ZNF143: variants seen among roughly 807,000 people sequenced by gnomAD.
ZNF143 encodes SPH-binding factor.
In ZNF143, 49 loss-of-function variants were observed where a neutral mutation model predicts 74.1. The observed-to-expected ratio is 0.66, with a 90% CI of 0.53 to 0.84. The LOEUF (loss-of-function observed/expected upper bound fraction) is 0.84, where lower values mean the gene tolerates loss of function less well. ZNF143 is among the 40% of genes least tolerant of loss of function. The pLI is 0.00. For missense variants in ZNF143, 637 were observed against 793.4 expected, an observed-to-expected ratio of 0.80 and a Z score of 2.37; for synonymous variants, 304 against 282.8, an observed-to-expected ratio of 1.07 and a Z score of -0.75.
Position 9,492,172 on chromosome 11 carries a change from G to A in ZNF143, c.646-2474G>A, listed in dbSNP as rs563915800. ...GTTTCCCAGGCTGGAGTGCAGTGGC[G>A]TGATCTTGGCTCACTGCTTCTTCTG... On this transcript the variant is annotated intron_variant, in intron 7 of 15. Transcript: ENST00000396602. Among the ~76,000 whole-genome samples, 33 of 148,284 alleles carry A rather than the reference G, an allele frequency of 2.2e-4. No homozygotes were observed. In the South Asian group the frequency reaches 3.8e-3, roughly 17 times the overall value.
At chr11:9,509,434 A>G (rs1272099916) in intron 12 of ZNF143, among the ~76,000 whole-genome samples, 2 of 152,172 alleles carry the variant, frequency 1.3e-5, no homozygotes, top group Non-Finnish European at 2.9e-5. Context: ...GTTTCAGTAA[A>G]CCCTTGGAAA....
At chr11:9,486,947 C>T (rs1263822502) in intron 7 of ZNF143, among the ~76,000 whole-genome samples, 24 of 147,622 alleles carry the variant, frequency 1.6e-4, no homozygotes, top group Middle Eastern at 3.6e-3. Context: ...GGATTACAGG[C>T]GTGAGCCACT....
intron 7 of ZNF143, among the ~76,000 whole-genome samples, chr11:9,489,987 C>G (rs1327227822): frequency 6.6e-6 from 1 of 151,854 alleles, no homozygotes; most frequent in Admixed American, 6.6e-5. Flanking sequence ...TCAAGACCAG[C>G]CTAGACAACA....
intron 9 of ZNF143, among the ~76,000 whole-genome samples, chr11:9,496,586 T>A (rs1376337493): frequency 7.1e-6 from 1 of 140,964 alleles, no homozygotes; most frequent in East Asian, 2.0e-4. Flanking sequence ...CCTGCTGTGT[T>A]TTCTTTTTCT....
intron 10 of ZNF143, among the ~76,000 whole-genome samples, chr11:9,500,405 G>A (rs1205437787): frequency 6.6e-6 from 1 of 151,648 alleles, no homozygotes; most frequent in Admixed American, 6.6e-5. Context: ...TTAATATTAG[G>A]CATTATCTTG....
intron 14 of ZNF143, among the ~76,000 whole-genome samples, chr11:9,517,268 C>A (rs1848757104): frequency 6.7e-6 from 1 of 150,038 alleles, no homozygotes; most frequent in Non-Finnish European, 1.5e-5. Flanking sequence ...TCTTCAAAAT[C>A]TTTCTATTTC....
chr11:9,469,863 C>A (rs1176593205), intron 1 of ZNF143, among the ~76,000 whole-genome samples: 1 of 152,178 alleles, frequency 6.6e-6, no homozygotes, highest in Admixed American at 6.6e-5. Context: ...TGACAGTTAT[C>A]ATGGCACTGA....
intron 13 of ZNF143, among the ~76,000 whole-genome samples, chr11:9,515,246 A>C (rs1565064393): frequency 6.6e-6 from 1 of 152,320 alleles, no homozygotes; most frequent in East Asian, 1.9e-4. Context: ...TGGTTAGGGA[A>C]GGGTTAGACT....
rs192577450 is a variant in ZNF143 at position 9,505,638 on chromosome 11, G to A, written c.1148-2981G>A. Among the ~76,000 whole-genome samples the A allele has an allele frequency of 6.3e-3, 957 of 151,946 alleles. 10 individuals carry two copies. The highest frequency in any genetic ancestry group is 0.039 in the South Asian group (186 of 4,804). ...GCTCACACCTGTAATCCCAGCACTT[G>A]GGGAAGGTCAAGGTGAGCAGATCAC... On this transcript the variant is annotated intron_variant, in intron 11 of 15. Coordinates refer to ENST00000396602, the MANE Select transcript of ZNF143 (RefSeq NM_003442.6).
At chr11:9,491,167 T>C (rs1231295583) in intron 7 of ZNF143, among the ~76,000 whole-genome samples, 3 of 152,192 alleles carry the variant, frequency 2.0e-5, no homozygotes, top group Non-Finnish European at 4.4e-5. Flanking sequence ...GGAGGATTCC[T>C]TGAACCCAAG....
At chr11:9,474,443 G>A in intron 4 of ZNF143, 107 bp from the exon 5 acceptor site, 1 of 1,101,980 alleles carries the variant, frequency 9.1e-7, no homozygotes, top group Non-Finnish European at 1.4e-6. Context: ...CATGAAGCAA[G>A]TATAGATTGT....
At chr11:9,482,326 A>C (rs1287782105) in intron 7 of ZNF143, among the ~76,000 whole-genome samples, 2 of 143,700 alleles carry the variant, frequency 1.4e-5, no homozygotes, top group African/African-American at 2.7e-5. Context: ...GCTGGAGTGC[A>C]GTGGCTCGAT....
At chr11:9,510,127 TTTTTTTTTTA>T (rs1321053548) in intron 12 of ZNF143, among the ~76,000 whole-genome samples, 1 of 151,600 alleles carries the variant, frequency 6.6e-6, no homozygotes, top group African/African-American at 2.4e-5. Flanking sequence ...ATTCTTTTTT[TTTTTTTTTTA>T]TTTTTGAGAT....
At chr11:9,490,240 A>G (rs969084283) in intron 7 of ZNF143, among the ~76,000 whole-genome samples, 9 of 127,066 alleles carry the variant, frequency 7.1e-5, no homozygotes, top group South Asian at 2.4e-4. Context: ...GTTAACAGTG[A>G]TTTTCCCTGG....
chr11:9,497,876 G>A (rs1015404285), intron 10 of ZNF143, 76 bp downstream of exon 10: 15 of 1,121,324 alleles, frequency 1.3e-5, no homozygotes, highest in African/African-American at 1.0e-4. Flanking sequence ...TGTCGCCTAG[G>A]CTGGAGTGCA....
intron 11 of ZNF143, among the ~76,000 whole-genome samples, chr11:9,507,136 C>T (rs527452751): frequency 1.4e-4 from 21 of 152,274 alleles, no homozygotes; most frequent in Admixed American, 7.2e-4. Flanking sequence ...ACTTATGTTA[C>T]GGTACATTAG....
chr11:9,463,798 G>A (rs1349073592), intron 1 of ZNF143: 1 of 152,090 alleles, frequency 6.6e-6, no homozygotes, highest in African/African-American at 2.4e-5. Flanking sequence ...ATTGAACTGT[G>A]CCTCTACTAC....
chr11:9,494,946 T>G (rs1344359610), intron 8 of ZNF143, among the ~76,000 whole-genome samples, 181 bp downstream of exon 8: 1 of 152,214 alleles, frequency 6.6e-6, no homozygotes, highest in Non-Finnish European at 1.5e-5. Context: ...CTGTTAATTT[T>G]TTGAGGGCTT....
intron 2 of ZNF143, 22 bp from the exon 3 acceptor site, chr11:9,472,655 A>C: frequency 6.2e-7 from 1 of 1,600,988 alleles, no homozygotes; most frequent in Non-Finnish European, 8.5e-7. Context: ...GTCTAAAGAA[A>C]ATATTGATTT....
Sources: allele counts gnomAD v4.1 joint callset (sites outside exome capture counted in the v4.1 genomes callset), GRCh38; gene constraint gnomAD v4.1.1; transcripts MANE v1.5; gene names NCBI Gene and HGNC (gene_info 2026-07-23, HGNC 2026-07-21).